The following DNAH12 variants were observed in gnomAD, a reference collection of about 807,000 sequenced individuals.
DNAH12 encodes the protein dynein axonemal heavy chain 12, also known as axonemal beta dynein heavy chain 12.
Under a neutral mutation model 371.5 loss-of-function variants are expected in DNAH12, and 285 were observed. That is an observed-to-expected ratio of 0.77 (90% CI 0.70 to 0.85). DNAH12 has a LOEUF of 0.85. DNAH12 is among the 40% of genes least tolerant of loss of function. The pLI is 0.00. For synonymous variants in DNAH12, 1,200 were observed against 1,213.0 expected (o/e 0.99, Z 0.22); for missense variants, 3,611 against 3,689.4 (o/e 0.98, Z 0.55).
At chr3:57,417,664 C>T (rs1301413196) in intron 37 of DNAH12, among the ~76,000 whole-genome samples, 1 of 151,868 alleles carries the variant, frequency 6.6e-6, no homozygotes, top group Non-Finnish European at 1.5e-5. Context: ...GAAATCATAG[C>T]TATTATCCTA....
intron 16 of DNAH12, among the ~76,000 whole-genome samples, chr3:57,469,358 C>G (rs1349411526): frequency 6.6e-6 from 1 of 152,148 alleles, no homozygotes; most frequent in Non-Finnish European, 1.5e-5. Context: ...AAAGGGAATG[C>G]TTATACACTG....
chr3:57,369,376 C>T (rs2063124617), intron 55 of DNAH12, among the ~76,000 whole-genome samples: 1 of 146,774 alleles, frequency 6.8e-6, no homozygotes, highest in Non-Finnish European at 1.5e-5. Flanking sequence ...ATATAAATAA[C>T]AGAAAAGGGA....
the DNAH12 span, among the ~76,000 whole-genome samples, chr3:57,555,993 A>G: frequency 3.9e-5 from 6 of 152,326 alleles, no homozygotes; most frequent in Non-Finnish European, 7.3e-5. Flanking sequence ...AGATTCCAAG[A>G]CAGGTGTCCA....
chr3:57,525,936 T>C (rs994969642), intron 2 of DNAH12, among the ~76,000 whole-genome samples: 1 of 151,872 alleles, frequency 6.6e-6, no homozygotes, highest in Admixed American at 6.6e-5. Flanking sequence ...TAATTTTTTG[T>C]ATTTTTAGTA....
At position 57,470,513 on chromosome 3, in the gene DNAH12, AT is replaced by A; in HGVS notation, c.2034del (p.Lys678AsnfsTer2). On this transcript the variant is annotated frameshift_variant, in exon 16 of 74. Coordinates refer to ENST00000495027, the MANE Select transcript of DNAH12 (RefSeq NM_001366028.2). LOFTEE classifies it high-confidence loss of function. ...TGATAGGGCTCAATGTTAACTTTTA[AT>A]TTATCCAGTTCAGGATATTTTGTCA... ...WELTKYPELDKLKVNIEPYQK... is the reference protein window; with the variant it reads ...WELTKYPELDXLKVNIEPYQK... 1 of 1,549,460 alleles carries A rather than the reference AT, an allele frequency of 6.5e-7. No homozygotes were observed. Among genetic ancestry groups the A allele is most frequent in the African/African-American group, 1.4e-5 (1 of 73,096 alleles).
chr3:57,376,010 A>C (rs2063273136), intron 53 of DNAH12, 45 bp from the exon 54 acceptor site: 1 of 152,136 alleles, frequency 6.6e-6, no homozygotes, highest in African/African-American at 2.4e-5. Flanking sequence ...ACAGAGAATG[A>C]TGGGAGACAG....
At chr3:57,372,513 T>C (rs1464271102) in intron 55 of DNAH12, among the ~76,000 whole-genome samples, 3 of 151,968 alleles carry the variant, frequency 2.0e-5, no homozygotes, top group Non-Finnish European at 2.9e-5. Flanking sequence ...ATAAAGAGAA[T>C]GTATTATAGA....
intron 4 of DNAH12, among the ~76,000 whole-genome samples, chr3:57,522,341 G>A (rs1383676525): frequency 6.6e-6 from 1 of 152,240 alleles, no homozygotes; most frequent in Non-Finnish European, 1.5e-5. Flanking sequence ...GCCAAGAGCA[G>A]TGGGCTCAGG....
At chr3:57,505,780 A>T (rs1428123309) in intron 8 of DNAH12, among the ~76,000 whole-genome samples, 2 of 152,018 alleles carry the variant, frequency 1.3e-5, no homozygotes, top group African/African-American at 4.8e-5. Flanking sequence ...TCTGTTGCCC[A>T]GGCTGGAGTG....
At chr3:57,460,510 A>T in intron 19 of DNAH12, among the ~76,000 whole-genome samples, 1 of 152,182 alleles carries the variant, frequency 6.6e-6, no homozygotes, top group East Asian at 1.9e-4. Context: ...TTCGATTTTT[A>T]AAAAATCTCT....
intron 13 of DNAH12, among the ~76,000 whole-genome samples, chr3:57,477,507 A>G (rs1030897864): frequency 4.6e-5 from 7 of 152,186 alleles, no homozygotes; most frequent in African/African-American, 9.7e-5. Flanking sequence ...GGCAGGGCAC[A>G]GACAAACAAA....
Position 57,331,964 on chromosome 3 carries a change from G to A in DNAH12, c.9978+2501C>T, listed in dbSNP as rs2062108557. 1.3e-5 allele frequency among the ~76,000 whole-genome samples: 2 copies of A among 151,910 alleles called. 1 individual carries two copies. Among genetic ancestry groups the A allele is most frequent in the South Asian group, 4.2e-4 (2 of 4,806 alleles). ...TTTCAGCAAGAATTTTGTTAGGTCAGGGTAGCAAGAATTCCCCCTACCCTT... is the reference window on the plus strand; with the variant it reads ...TTTCAGCAAGAATTTTGTTAGGTCAAGGTAGCAAGAATTCCCCCTACCCTT... On this transcript the variant is annotated intron_variant, in intron 62 of 73. Transcript: ENST00000495027.
At chr3:57,553,622 A>G in the DNAH12 span, among the ~76,000 whole-genome samples, 1 of 152,290 alleles carries the variant, frequency 6.6e-6, no homozygotes, top group Middle Eastern at 3.4e-3. Flanking sequence ...AGCCAAAGAC[A>G]AAAGCTCATA....
At chr3:57,369,231 AT>A (rs1450356696) in intron 55 of DNAH12, among the ~76,000 whole-genome samples, 15,341 of 71,358 alleles carry the variant, frequency 0.21, 1,207 homozygotes, top group East Asian at 0.49. Context: ...AAAAAAAAAT[AT>A]ATATATATAT....
At chr3:57,323,357 G>A (rs937136175) in intron 63 of DNAH12, 97 bp from the exon 64 acceptor site, 25 of 1,472,824 alleles carry the variant, frequency 1.7e-5, no homozygotes, top group South Asian at 1.3e-4. Context: ...TTCTAGTTAC[G>A]TTTCTCTGTA....
At chr3:57,457,493 T>A (rs2153375914) in intron 22 of DNAH12, among the ~76,000 whole-genome samples, 1 of 152,302 alleles carries the variant, frequency 6.6e-6, no homozygotes, top group East Asian at 1.9e-4. Flanking sequence ...CTAAATTATA[T>A]ACCTCTTATT....
Position 57,508,542 on chromosome 3 carries a change from T to C in DNAH12, c.543-2A>G, listed in dbSNP as rs2153393269. On this transcript the variant is annotated splice_acceptor_variant, in intron 6 of 73. Transcript: ENST00000495027. LOFTEE classifies it high-confidence loss of function. ...CAAGGATTAGAATAATCTAGGCCTC[T>C]GGAAAAGCAAAACACCATATCAAAC... 6.2e-7 allele frequency: 1 copy of C among 1,605,268 alleles called. No homozygotes were observed. Among genetic ancestry groups the C allele is most frequent in the East Asian group, 2.2e-5 (1 of 44,580 alleles).
At chr3:57,397,051 A>G (rs1204678586) in intron 43 of DNAH12, among the ~76,000 whole-genome samples, 1 of 152,194 alleles carries the variant, frequency 6.6e-6, no homozygotes, top group Admixed American at 6.5e-5. Context: ...ATTATATGTC[A>G]GGAATATTAT....
At chr3:57,388,512 A>C (rs2063541539) in intron 45 of DNAH12, among the ~76,000 whole-genome samples, 1 of 152,092 alleles carries the variant, frequency 6.6e-6, no homozygotes, top group South Asian at 2.1e-4. Context: ...ATTTTTTATT[A>C]ATAGATTGTT....
Sources: gnomAD v4.1 joint callset for allele counts (sites outside exome capture counted in the v4.1 genomes callset) on GRCh38, gnomAD v4.1.1 for gene constraint, MANE v1.5 for transcripts, NCBI Gene and HGNC (gene_info 2026-07-23, HGNC 2026-07-21) for gene names.